NLK: variants seen among roughly 807,000 people sequenced by gnomAD.
The protein encoded by NLK is serine/threonine-protein kinase NLK.
A neutral mutation model predicts 59.0 loss-of-function variants in NLK; 11 were observed. The observed-to-expected ratio is 0.19, with a 90% CI of 0.12 to 0.31. NLK has a LOEUF of 0.31. Ranked by LOEUF, NLK falls within the 10% of genes least tolerant of loss-of-function variation. The pLI is 1.00. For missense variants in NLK, 410 were observed against 661.1 expected (o/e 0.62, Z 4.16); for synonymous variants, 235 against 235.9 (o/e 1.00, Z 0.03).
At chr17:28,138,843 G>A (rs1906868062) in intron 3 of NLK, among the ~76,000 whole-genome samples, 1 of 152,078 alleles carries the variant, frequency 6.6e-6, no homozygotes, top group African/African-American at 2.4e-5. Context: ...ACATAAAGTA[G>A]GTACAAAATA....
intron 1 of NLK, among the ~76,000 whole-genome samples, chr17:28,078,115 G>A (rs1910228285): frequency 6.6e-6 from 1 of 151,956 alleles, no homozygotes; most frequent in Non-Finnish European, 1.5e-5. Flanking sequence ...ATGGTATACT[G>A]CTTTAATCCA....
rs771823256 is a variant in NLK, at chr17:28,122,586, A to G, written c.459-17A>G. 3.7e-6 allele frequency: 6 copies of G among 1,612,412 alleles called. No homozygotes were observed. In the African/African-American group the frequency reaches 5.3e-5, roughly 14 times the overall value. Reference sequence around the variant, plus strand: ...CTCTGTCTTTTTTTTCCCCTTCCCCAAATATTGCTTCTTTAGGTCAGTAAC... The same window carrying G: ...CTCTGTCTTTTTTTTCCCCTTCCCCGAATATTGCTTCTTTAGGTCAGTAAC... On this transcript the variant is annotated splice_polypyrimidine_tract_variant and intron_variant, in intron 1 of 10. Transcript: ENST00000407008.
downstream of NLK, among the ~76,000 whole-genome samples, chr17:28,200,156 A>T (rs1049589261): frequency 2.6e-5 from 4 of 152,068 alleles, no homozygotes; most frequent in Non-Finnish European, 4.4e-5. Context: ...AAAAGTTTTT[A>T]TTTATGATGA....
At chr17:28,132,304 C>G (rs1020304490) in intron 2 of NLK, among the ~76,000 whole-genome samples, 2 of 152,194 alleles carry the variant, frequency 1.3e-5, no homozygotes, top group African/African-American at 4.8e-5. Flanking sequence ...ATAGATGTGG[C>G]TTCTCACGCT....
chr17:28,059,684 AG>A (rs1909562700), intron 1 of NLK, among the ~76,000 whole-genome samples: 1 of 152,230 alleles, frequency 6.6e-6, no homozygotes, highest in African/African-American at 2.4e-5. Context: ...TAGTGAACAA[AG>A]AATGGTTTAT....
intron 1 of NLK, among the ~76,000 whole-genome samples, chr17:28,080,827 TTTAA>T (rs1255488597): frequency 6.6e-6 from 1 of 152,172 alleles, no homozygotes; most frequent in Non-Finnish European, 1.5e-5. Context: ...AGTTAATGTT[TTTAA>T]TTGTGTGCCT....
intron 3 of NLK, among the ~76,000 whole-genome samples, chr17:28,144,151 A>AG (rs1221750343): frequency 1.6e-4 from 24 of 152,206 alleles, no homozygotes; most frequent in African/African-American, 5.3e-4. Context: ...TGAGATCCCA[A>AG]GAACCACTCC....
At chr17:28,173,578 G>A (rs1349368014) in intron 7 of NLK, among the ~76,000 whole-genome samples, 2 of 152,186 alleles carry the variant, frequency 1.3e-5, no homozygotes, top group Non-Finnish European at 2.9e-5. Flanking sequence ...AACCAGCCCA[G>A]GCTAGTAAAT....
intron 1 of NLK, among the ~76,000 whole-genome samples, chr17:28,083,784 T>C (rs1015798020): frequency 6.6e-6 from 1 of 152,218 alleles, no homozygotes; most frequent in Admixed American, 6.5e-5. Flanking sequence ...TATTTTTCTT[T>C]CAGAGGTGGG....
chr17:28,130,231 G>A (rs962592535), intron 2 of NLK, among the ~76,000 whole-genome samples: 2 of 152,092 alleles, frequency 1.3e-5, no homozygotes, highest in Admixed American at 6.5e-5. Context: ...TTTAAATGGG[G>A]TGTCAGGCAT....
intron 7 of NLK, among the ~76,000 whole-genome samples, chr17:28,183,280 A>G (rs1482933814): frequency 6.6e-6 from 1 of 152,194 alleles, no homozygotes; most frequent in Non-Finnish European, 1.5e-5. Flanking sequence ...TCCAAAGCAT[A>G]GTGAAGGTCA....
chr17:28,150,602 A>T lies in NLK; in HGVS notation c.645-10558A>T, dbSNP rs572379340. ...TAACTCTTTAAAACAATACAGAGACATTGTTACTTCTCTTGGGCACCTGAG... is the reference window on the plus strand; with the variant it reads ...TAACTCTTTAAAACAATACAGAGACTTTGTTACTTCTCTTGGGCACCTGAG... On this transcript the variant is annotated intron_variant, in intron 3 of 10. Transcript: ENST00000407008. Among the ~76,000 whole-genome samples the T allele has an allele frequency of 2.6e-5, 4 of 152,232 alleles. No homozygotes were observed. In the South Asian group the frequency reaches 8.3e-4, roughly 32 times the overall value.
intron 1 of NLK, among the ~76,000 whole-genome samples, chr17:28,106,533 C>T (rs1162924243): frequency 2.0e-5 from 3 of 152,062 alleles, no homozygotes; most frequent in Non-Finnish European, 4.4e-5. Context: ...TTCAAATAAA[C>T]AAAAATTTAA....
At chr17:28,069,457 T>C (rs966768686) in intron 1 of NLK, among the ~76,000 whole-genome samples, 1 of 152,240 alleles carries the variant, frequency 6.6e-6, no homozygotes, top group Admixed American at 6.5e-5. Context: ...TTATTAAGAT[T>C]GCCAAAGCAG....
At chr17:28,061,936 T>TATA (rs72308689) in intron 1 of NLK, 11 of 136,020 alleles carry the variant, frequency 8.1e-5, no homozygotes, top group African/African-American at 2.2e-4. Context: ...TATATATATA[T>TATA]TTTTTTTTTT....
intron 7 of NLK, among the ~76,000 whole-genome samples, chr17:28,183,048 CAG>C (rs1908974965): frequency 6.6e-6 from 1 of 152,112 alleles, no homozygotes; most frequent in South Asian, 2.1e-4. Context: ...CCTGAAGAAA[CAG>C]AGGATGTAAA....
Position 28,066,703 on chromosome 17 carries a change from A to G in NLK, c.458+23372A>G, listed in dbSNP as rs111637900. 6.5e-3 allele frequency among the ~76,000 whole-genome samples: 997 copies of G among 152,350 alleles called. 17 individuals are homozygous for G. The highest frequency in any genetic ancestry group is 0.022 in the African/African-American group (931 of 41,566). Reference sequence around the variant, plus strand: ...AACTACCAAACTGTTTTCCAAAGCAATCGCAATTTGCATTCCCACCAACAA... The same window carrying G: ...AACTACCAAACTGTTTTCCAAAGCAGTCGCAATTTGCATTCCCACCAACAA... On this transcript the variant is annotated intron_variant, in intron 1 of 10. Coordinates refer to ENST00000407008, the MANE Select transcript of NLK (RefSeq NM_016231.5).
At chr17:28,064,175 T>TG (rs1344669063) in intron 1 of NLK, among the ~76,000 whole-genome samples, 2 of 9,662 alleles carry the variant, frequency 2.1e-4, no homozygotes, top group Non-Finnish European at 5.9e-4. Context: ...GTTAGCAAAC[T>TG]TTTTTTTTTT....
downstream of NLK, among the ~76,000 whole-genome samples, chr17:28,199,665 C>CAA (rs1303411168): frequency 0.055 from 1,827 of 33,500 alleles, 118 homozygotes; most frequent in Non-Finnish European, 0.081. Flanking sequence ...GACTCTGTCT[C>CAA]AAAAAAAAAA....
Sources: allele counts gnomAD v4.1 joint callset (sites outside exome capture counted in the v4.1 genomes callset), GRCh38; gene constraint gnomAD v4.1.1; transcripts MANE v1.5; gene names NCBI Gene and HGNC (gene_info 2026-07-23, HGNC 2026-07-21).